INPP5A: variants seen among roughly 807,000 people sequenced by gnomAD.
The protein encoded by INPP5A is inositol polyphosphate-5-phosphatase A, also known as 43 kDa inositol polyphosphate 5-phophatase.
A neutral mutation model predicts 65.2 loss-of-function variants in INPP5A; 14 were observed. The ratio of observed to expected loss-of-function variants is 0.21; its 90% CI spans 0.14 to 0.34. The LOEUF (loss-of-function observed/expected upper bound fraction) is 0.34, where lower values mean the gene tolerates loss of function less well. Among genes scored for constraint, INPP5A ranks in the 10% least tolerant of loss-of-function variants. INPP5A has a pLI of 1.00. For synonymous variants in INPP5A, 207 were observed against 208.3 expected (o/e 0.99, Z 0.05); for missense variants, 431 against 545.6 (o/e 0.79, Z 2.09).
rs1328591330 is a variant in INPP5A, at chr10:132,678,122, G to A, written c.307-12270G>A. Among the ~76,000 whole-genome samples, 1 of 152,218 alleles carries A rather than the reference G, an allele frequency of 6.6e-6. No individual in the cohort carries two copies. ...CCCAGGAGCTGAAATTGGAAAGTCAGTGCTTTGTAAATAAGTCAGCTGTCA... is the reference window on the plus strand; with the variant it reads ...CCCAGGAGCTGAAATTGGAAAGTCAATGCTTTGTAAATAAGTCAGCTGTCA... On this transcript the variant is annotated intron_variant, in intron 4 of 15. Transcript: ENST00000368594. The surrounding 1 kb of genome is among the most constrained non-coding windows in gnomAD (Gnocchi z 4.1).
chr10:132,678,048 G>A lies in INPP5A; in HGVS notation c.307-12344G>A, dbSNP rs1234986740. Among the ~76,000 whole-genome samples, 3 of 152,236 alleles carry A rather than the reference G, an allele frequency of 2.0e-5. No individual in the cohort carries two copies. Among genetic ancestry groups the A allele is most frequent in the Non-Finnish European group, 4.4e-5 (3 of 68,044 alleles). ...CAGCAGCCAGCCGGGAGAGGGGCTCGGCAGGAGGCCAGACAGGGGGACACC... is the reference window on the plus strand; with the variant it reads ...CAGCAGCCAGCCGGGAGAGGGGCTCAGCAGGAGGCCAGACAGGGGGACACC... On this transcript the variant is annotated intron_variant, in intron 4 of 15. Transcript: ENST00000368594. This position sits in a 1 kb window ranked among gnomAD's most constrained non-coding sequence, Gnocchi z 4.1.
rs529387333 is a variant in INPP5A at position 132,681,653 on chromosome 10, CAG to C, written c.307-8738_307-8737del. Among the ~76,000 whole-genome samples, 256 of 152,300 alleles carry C rather than the reference CAG, an allele frequency of 1.7e-3. 1 individual carries two copies. Among genetic ancestry groups the C allele is most frequent in the African/African-American group, 3.9e-3 (160 of 41,540 alleles). ...TTTGTGCACGTGGGTAGAAATATAA[CAG>C]GGGGCAGCCACTGTGAACATTGAGG... On this transcript the variant is annotated intron_variant, in intron 4 of 15. Coordinates refer to ENST00000368594, the MANE Select transcript of INPP5A (RefSeq NM_005539.5).
intron 4 of INPP5A, among the ~76,000 whole-genome samples, chr10:132,654,341 CAGGT>C (rs1237746002): frequency 6.6e-6 from 1 of 152,258 alleles, no homozygotes; most frequent in African/African-American, 2.4e-5. Flanking sequence ...CCTTGCCTGG[CAGGT>C]AGGAGGGTCC....
rs1026736351 is a variant in INPP5A at position 132,690,442 on chromosome 10, G to A, written c.357G>A (p.Gln119=). The change falls in exon 5 of 16, where the codon CAG becomes CAA. Residue 119 remains glutamine (Q), a synonymous_variant. Transcript: ENST00000368594. ...ATGAGTCCTTAAAAAACATCTACCAGTTTGACTTTAAAGGTAAGACTGCGT... is the reference window on the plus strand; with the variant it reads ...ATGAGTCCTTAAAAAACATCTACCAATTTGACTTTAAAGGTAAGACTGCGT... The part of the protein sequence containing the change: ...FLHESLKNIY[Q]FDFKAKKYRK... 5.0e-6 allele frequency: 8 copies of A among 1,612,614 alleles called. No individual in the cohort carries two copies. The highest frequency in any genetic ancestry group is 6.8e-6 in the Non-Finnish European group (8 of 1,178,972).
At chr10:132,668,703 T>A (rs2072839998) in intron 4 of INPP5A, among the ~76,000 whole-genome samples, 1 of 152,238 alleles carries the variant, frequency 6.6e-6, no homozygotes, top group South Asian at 2.1e-4. Flanking sequence ...TTCCTCCTGA[T>A]GTTTTTATTC....
At chr10:132,561,722 CCACACACA>C (rs35335535) in intron 1 of INPP5A, among the ~76,000 whole-genome samples, 2,799 of 142,410 alleles carry the variant, frequency 0.02, 94 homozygotes, top group African/African-American at 0.066. Flanking sequence ...TTGTCAATTT[CCACACACA>C]CACACACACA....
At position 132,621,993 on chromosome 10, in the gene INPP5A, C is replaced by T. The variant is rs116948030; in HGVS notation, c.117+14037C>T. ...CTTTATTGGTAGAAGACATGGTGGA[C>T]TATTTAGAAAAACTGAAGGAATCCA... On this transcript the variant is annotated intron_variant, in intron 2 of 15. Transcript: ENST00000368594. Among the ~76,000 whole-genome samples the T allele has an allele frequency of 2.3e-3, 351 of 152,216 alleles. 1 individual carries two copies. The highest frequency in any genetic ancestry group is 3.4e-3 in the Middle Eastern group (1 of 294).
intron 8 of INPP5A, among the ~76,000 whole-genome samples, chr10:132,720,372 G>A (rs1429995792): frequency 7.0e-6 from 1 of 143,578 alleles, no homozygotes; most frequent in African/African-American, 2.8e-5. Flanking sequence ...GTGGTACCTG[G>A]GTTCTGTCTG....
chr10:132,766,146 ATC>A (rs1023548656), intron 12 of INPP5A, among the ~76,000 whole-genome samples: 12 of 150,244 alleles, frequency 8.0e-5, no homozygotes, highest in African/African-American at 3.0e-4. Context: ...GCACGTGTGC[ATC>A]TGTGTGTGCA....
rs980121881 is a variant in INPP5A at position 132,782,238 on chromosome 10, G to A, written c.*209G>A. On this transcript the variant is annotated 3_prime_UTR_variant, in exon 16 of 16. Coordinates refer to ENST00000368594, the MANE Select transcript of INPP5A (RefSeq NM_005539.5). This position sits in a 1 kb window ranked among gnomAD's most constrained non-coding sequence, Gnocchi z 4.4. Reference sequence around the variant, plus strand: ...GTCTCGTCTGTCTATGTGACATTAAGTAGAAATATTGGTTTTTTTTTTTTT... The same window carrying A: ...GTCTCGTCTGTCTATGTGACATTAAATAGAAATATTGGTTTTTTTTTTTTT... 1 of 469,488 alleles carries A rather than the reference G, an allele frequency of 2.1e-6. No individual in the cohort carries two copies. The highest frequency in any genetic ancestry group is 2.0e-5 in the South Asian group (1 of 49,316). 29.1% of individuals were successfully genotyped at this position (469,488 alleles called of 1,614,324 possible).
chr10:132,755,246 C>T (rs1846575628), intron 11 of INPP5A, among the ~76,000 whole-genome samples: 1 of 144,294 alleles, frequency 6.9e-6, no homozygotes, highest in African/African-American at 2.6e-5. Flanking sequence ...CATGCATGAG[C>T]AGGTGTGAGC....
intron 9 of INPP5A, among the ~76,000 whole-genome samples, chr10:132,748,373 A>G (rs765921274): frequency 7.9e-5 from 12 of 152,170 alleles, no homozygotes; most frequent in Non-Finnish European, 1.5e-4. Flanking sequence ...CTCGCTGTCC[A>G]CACAGAGCTT....
intron 2 of INPP5A, among the ~76,000 whole-genome samples, chr10:132,623,183 C>G (rs2133362804): frequency 6.6e-6 from 1 of 152,224 alleles, no homozygotes; most frequent in South Asian, 2.1e-4. Context: ...ACTAGAATAG[C>G]CAGAACAGTT....
intron 1 of INPP5A, among the ~76,000 whole-genome samples, chr10:132,541,937 G>A (rs2070911183): frequency 6.6e-6 from 1 of 152,232 alleles, no homozygotes; most frequent in Non-Finnish European, 1.5e-5. Flanking sequence ...TTGGACTCCT[G>A]CTGTCACTAC....
intron 2 of INPP5A, among the ~76,000 whole-genome samples, chr10:132,623,691 T>G (rs1474260114): frequency 6.6e-6 from 1 of 152,174 alleles, no homozygotes; most frequent in Admixed American, 6.5e-5. Context: ...GTTAAGACAC[T>G]GTGAAAAGAA....
rs554959672 is a variant in INPP5A at position 132,651,115 on chromosome 10, T to C, written c.306+610T>C. ...GCCACAGAGATACAGGCACCAGGTGTCTGGGAAGGGGCAGGAAGCTCCTCA... is the reference window on the plus strand; with the variant it reads ...GCCACAGAGATACAGGCACCAGGTGCCTGGGAAGGGGCAGGAAGCTCCTCA... On this transcript the variant is annotated intron_variant, in intron 4 of 15. Coordinates refer to ENST00000368594, the MANE Select transcript of INPP5A (RefSeq NM_005539.5). This position sits in a 1 kb window ranked among gnomAD's most constrained non-coding sequence, Gnocchi z 5.0. Among the ~76,000 whole-genome samples, 99 of 152,092 alleles carry C rather than the reference T, an allele frequency of 6.5e-4. No individual in the cohort carries two copies. The highest frequency in any genetic ancestry group is 2.1e-3 in the African/African-American group (89 of 41,492).
rs3750578 is a variant in INPP5A, at chr10:132,749,862, A to G, written c.903+17A>G. The G allele has an allele frequency of 0.21, 338,462 of 1,608,216 alleles. 37,436 individuals are homozygous for G. Among genetic ancestry groups the G allele is most frequent in the Non-Finnish European group, 0.23 (267,180 of 1,175,658 alleles). On this transcript the variant is annotated intron_variant, in intron 11 of 15. Transcript: ENST00000368594. ...GGCACCGCGGTGAGTTTGTGGTCCA[A>G]TGTGGCAGCTCCCCCGTCCTGGGAC...
intron 1 of INPP5A, among the ~76,000 whole-genome samples, chr10:132,552,490 G>A (rs1196352638): frequency 2.2e-5 from 3 of 138,664 alleles, no homozygotes; most frequent in Non-Finnish European, 4.7e-5. Flanking sequence ...AGCCTTGGTG[G>A]CATATTGAGT....
intron 11 of INPP5A, among the ~76,000 whole-genome samples, chr10:132,754,762 C>T (rs1375508427): frequency 6.6e-6 from 1 of 152,250 alleles, no homozygotes; most frequent in Non-Finnish European, 1.5e-5. Flanking sequence ...GGGCCCCCAG[C>T]CACCGAAAAC....
Sources: allele counts gnomAD v4.1 joint callset (sites outside exome capture counted in the v4.1 genomes callset), GRCh38; gene constraint gnomAD v4.1.1; non-coding constraint Gnocchi (gnomAD v3.1); transcripts MANE v1.5; gene names NCBI Gene and HGNC (gene_info 2026-07-23, HGNC 2026-07-21).